Variants in SIL1 observed in about 807,000 individuals in gnomAD.
SIL1 encodes nucleotide exchange factor SIL1.
Under a neutral mutation model 49.1 loss-of-function variants are expected in SIL1, and 40 were observed. The ratio of observed to expected loss-of-function variants is 0.81; its 90% CI spans 0.63 to 1.06. The LOEUF is 1.06. SIL1 is among the 50% of genes least tolerant of loss of function. The pLI, the probability that SIL1 is intolerant of heterozygous loss-of-function variation, is 0.00. For synonymous variants in SIL1, 253 were observed against 250.8 expected (o/e 1.01, Z -0.08); for missense variants, 500 against 572.6 (o/e 0.87, Z 1.29).
At chr5:139,127,711 C>T (rs1242515001) in intron 2 of SIL1, 28 bp downstream of exon 2, 5 of 1,573,980 alleles carry the variant, frequency 3.2e-6, no homozygotes, top group Non-Finnish European at 4.3e-6. Flanking sequence ...CATCAAGGGT[C>T]CCTCCCATTT....
chr5:139,085,906 G>A (rs1399264254), intron 3 of SIL1, among the ~76,000 whole-genome samples: 1 of 152,160 alleles, frequency 6.6e-6, no homozygotes, highest in Non-Finnish European at 1.5e-5. Context: ...CATCTTTCCA[G>A]ATGAAAGAAG....
intron 1 of SIL1, among the ~76,000 whole-genome samples, chr5:139,180,350 C>A (rs1349169199): frequency 7.7e-6 from 1 of 129,312 alleles, no homozygotes; most frequent in Non-Finnish European, 1.6e-5. Flanking sequence ...CATTGCAATC[C>A]AGCCTGGGCA....
Position 138,948,788 on chromosome 5 carries a change from G to A in SIL1, c.1030-1315C>T, listed in dbSNP as rs1269105467. On this transcript the variant is annotated intron_variant, in intron 9 of 9. Transcript: ENST00000394817. This position sits in a 1 kb window ranked among gnomAD's most constrained non-coding sequence, Gnocchi z 4.8. The stretch of plus-strand genomic sequence containing the variant: ...GCTTAATTCCCAAGGCAGCAGTATT[G>A]AGAGGAGCTGCCTAGGTCAGGAGGG... Among the ~76,000 whole-genome samples the A allele has an allele frequency of 6.6e-6, 1 of 152,220 alleles. No individual in the cohort carries two copies. Among genetic ancestry groups the A allele is most frequent in the Non-Finnish European group, 1.5e-5 (1 of 68,038 alleles).
In SIL1 at chr5:138,946,924, C is replaced by T; in HGVS notation, c.*193G>A. The T allele has an allele frequency of 1.6e-6, 1 of 626,798 alleles. No individual in the cohort carries two copies. Among genetic ancestry groups the T allele is most frequent in the South Asian group, 1.8e-5 (1 of 55,514 alleles). 38.8% of individuals were successfully genotyped at this position (626,798 alleles called of 1,614,324 possible). ...ACGTCAGCAGAGCCCATCACCCAAC[C>T]ACTCACCTGACCCCCCGGCCACAGG... On this transcript the variant is annotated 3_prime_UTR_variant, in exon 10 of 10. Transcript: ENST00000394817.
intron 3 of SIL1, among the ~76,000 whole-genome samples, chr5:139,076,218 A>G (rs1290393509): frequency 6.6e-6 from 1 of 152,160 alleles, no homozygotes; most frequent in South Asian, 2.1e-4. Context: ...ACTCACTCTC[A>G]GGGGTTCTGC....
chr5:139,025,249 G>A (rs1460620087), intron 6 of SIL1, among the ~76,000 whole-genome samples: 1 of 152,094 alleles, frequency 6.6e-6, no homozygotes, highest in Non-Finnish European at 1.5e-5. Flanking sequence ...AATTCAAAAG[G>A]TACCAGTTGC....
chr5:139,149,022 C>T (rs1751247181), intron 1 of SIL1, among the ~76,000 whole-genome samples: 1 of 152,132 alleles, frequency 6.6e-6, no homozygotes, highest in Non-Finnish European at 1.5e-5. Flanking sequence ...CACAGACTCT[C>T]ACCCTGAAAT....
intron 7 of SIL1, among the ~76,000 whole-genome samples, chr5:139,010,224 T>C (rs1283879035): frequency 3.4e-5 from 5 of 146,132 alleles, no homozygotes; most frequent in South Asian, 2.3e-4. Flanking sequence ...CATCTTCCAT[T>C]ACTGATACCC....
chr5:139,177,728 T>G (rs1751914967), intron 1 of SIL1, among the ~76,000 whole-genome samples: 1 of 152,254 alleles, frequency 6.6e-6, no homozygotes, highest in Non-Finnish European at 1.5e-5. Context: ...CACGTAACTC[T>G]GACCCAGTTT....
At chr5:139,144,008 G>C (rs1211953270) in intron 1 of SIL1, among the ~76,000 whole-genome samples, 2 of 152,174 alleles carry the variant, frequency 1.3e-5, no homozygotes, top group African/African-American at 4.8e-5. Context: ...TCAAAGATAT[G>C]ATATTGCTAA....
chr5:138,990,835 C>A (rs1331186719), intron 7 of SIL1, among the ~76,000 whole-genome samples: 2 of 152,230 alleles, frequency 1.3e-5, no homozygotes, highest in Admixed American at 6.5e-5. Flanking sequence ...CCTGCCTTAG[C>A]CTCCCAAGTA....
chr5:139,154,897 A>G (rs757279128), intron 1 of SIL1, among the ~76,000 whole-genome samples: 15 of 152,242 alleles, frequency 9.9e-5, no homozygotes, highest in Non-Finnish European at 1.5e-4. Flanking sequence ...ACTAATGAAC[A>G]TAGTAATTAT....
intron 1 of SIL1, among the ~76,000 whole-genome samples, chr5:139,175,195 G>A (rs191250837): frequency 3.1e-4 from 47 of 152,208 alleles, no homozygotes; most frequent in South Asian, 6.2e-4. Flanking sequence ...GGTGGCACGC[G>A]CCTGTAGTCC....
At chr5:139,086,981 A>T (rs1357270601) in intron 3 of SIL1, among the ~76,000 whole-genome samples, 2 of 151,466 alleles carry the variant, frequency 1.3e-5, no homozygotes, top group Non-Finnish European at 2.9e-5. Context: ...AATAATAATT[A>T]ATTATATTTC....
chr5:139,058,343 A>C (rs535357173), intron 3 of SIL1, among the ~76,000 whole-genome samples: 3 of 152,198 alleles, frequency 2.0e-5, no homozygotes, highest in Admixed American at 2.0e-4. Flanking sequence ...CTAAAAAAAA[A>C]AACACCAAAT....
At chr5:138,955,637 A>G (rs1766885980) in intron 7 of SIL1, among the ~76,000 whole-genome samples, 1 of 152,248 alleles carries the variant, frequency 6.6e-6, no homozygotes, top group South Asian at 2.1e-4. Context: ...GCTGCCCAGC[A>G]CACACCCCGG....
chr5:138,948,323 C>CT lies in SIL1; in HGVS notation c.1030-851dup, dbSNP rs759139945. Among the ~76,000 whole-genome samples the CT allele has an allele frequency of 6.6e-5, 10 of 152,076 alleles. No homozygotes were observed. Among genetic ancestry groups the CT allele is most frequent in the Admixed American group, 5.2e-4 (8 of 15,272 alleles). ...AGAGGCTGAGAGGTATCCCCTAGTC[C>CT]TTTCCTACTTCACCCCTCAGTCCTG... On this transcript the variant is annotated intron_variant, in intron 9 of 9. Transcript: ENST00000394817. This position sits in a 1 kb window ranked among gnomAD's most constrained non-coding sequence, Gnocchi z 4.8.
intron 7 of SIL1, among the ~76,000 whole-genome samples, chr5:138,968,786 G>A (rs1228361168): frequency 6.6e-6 from 1 of 152,204 alleles, no homozygotes; most frequent in African/African-American, 2.4e-5. Context: ...GGCTGGCTCT[G>A]TGTCCCCTCC....
chr5:138,974,174 A>G (rs1167821972), intron 7 of SIL1, among the ~76,000 whole-genome samples: 4 of 152,192 alleles, frequency 2.6e-5, no homozygotes, highest in Non-Finnish European at 5.9e-5. Flanking sequence ...TCCTCAGGAA[A>G]GCGTGAACTC....
Sources: gnomAD v4.1 joint callset for allele counts (sites outside exome capture counted in the v4.1 genomes callset) on GRCh38, gnomAD v4.1.1 for gene constraint, Gnocchi (gnomAD v3.1) non-coding constraint, MANE v1.5 for transcripts, NCBI Gene and HGNC (gene_info 2026-07-23, HGNC 2026-07-21) for gene names.